PCSK6: variants seen among roughly 807,000 people sequenced by gnomAD.
The protein encoded by PCSK6 is paired basic amino acid cleaving enzyme 4.
Under a neutral mutation model 123.3 loss-of-function variants are expected in PCSK6, and 85 were observed. That is an observed-to-expected ratio of 0.69 (90% CI 0.58 to 0.83). The LOEUF (loss-of-function observed/expected upper bound fraction) is 0.83, where lower values mean the gene tolerates loss of function less well. Ranked by LOEUF, PCSK6 falls within the 40% of genes least tolerant of loss-of-function variation. The probability of loss-of-function intolerance (pLI) is 0.00; values close to 1 mark genes in which losing one functional copy is unlikely to be tolerated. For synonymous variants in PCSK6, 508 were observed against 516.0 expected (o/e 0.98, Z 0.21); for missense variants, 1,191 against 1,282.3 (o/e 0.93, Z 1.09).
At chr15:101,463,753 G>A (rs1251711127) in intron 1 of PCSK6, among the ~76,000 whole-genome samples, 3 of 152,156 alleles carry the variant, frequency 2.0e-5, no homozygotes, top group African/African-American at 4.8e-5. Context: ...ACAACGTGCC[G>A]GGGAGTTGGG....
At chr15:101,424,791 G>C (rs1449585190) in intron 6 of PCSK6, among the ~76,000 whole-genome samples, 1 of 152,232 alleles carries the variant, frequency 6.6e-6, no homozygotes, top group Non-Finnish European at 1.5e-5. Flanking sequence ...ACATTATATA[G>C]AAAGTACACT....
chr15:101,424,056 T>C (rs1242902534), intron 6 of PCSK6, among the ~76,000 whole-genome samples: 1 of 151,822 alleles, frequency 6.6e-6, no homozygotes, highest in East Asian at 1.9e-4. Context: ...TATCTCATCC[T>C]ACAAGGAAAA....
intron 1 of PCSK6, among the ~76,000 whole-genome samples, chr15:101,484,969 A>G (rs1454930411): frequency 2.6e-5 from 4 of 152,276 alleles, no homozygotes; most frequent in African/African-American, 7.2e-5. Context: ...TTCTTCCAGG[A>G]TATGTCTGGC....
intron 1 of PCSK6, among the ~76,000 whole-genome samples, chr15:101,450,272 G>T (rs2057000349): frequency 6.6e-6 from 1 of 151,914 alleles, no homozygotes; most frequent in African/African-American, 2.4e-5. Flanking sequence ...TACACGACCA[G>T]CCAGGACCCC....
At chr15:101,347,678 T>C (rs1418713663) in intron 13 of PCSK6, 1 of 1,602,408 alleles carries the variant, frequency 6.2e-7, no homozygotes. Flanking sequence ...AAGTTCTAAA[T>C]GTGGTGGCTT....
chr15:101,347,118 T>C, intron 13 of PCSK6: 1 of 1,231,792 alleles, frequency 8.1e-7, no homozygotes, highest in African/African-American at 1.5e-5. Context: ...AGTGATACTC[T>C]ATAATTGCAC....
intron 13 of PCSK6, among the ~76,000 whole-genome samples, chr15:101,353,853 G>C (rs1471989653): frequency 6.6e-6 from 1 of 152,210 alleles, no homozygotes; most frequent in Non-Finnish European, 1.5e-5. Flanking sequence ...CTTCCAGGCA[G>C]GTGAGCTCAG....
intron 15 of PCSK6, among the ~76,000 whole-genome samples, chr15:101,326,797 GGGGA>G (rs569576859): frequency 2.6e-5 from 4 of 152,326 alleles, no homozygotes; most frequent in African/African-American, 7.2e-5. Flanking sequence ...GAGGGGTAGC[GGGGA>G]GGGAGAGGCT....
intron 20 of PCSK6, chr15:101,313,011 A>C (rs1366251570): frequency 3.4e-6 from 4 of 1,172,514 alleles, no homozygotes; most frequent in Non-Finnish European, 2.1e-6. Context: ...TCTCCAAAAA[A>C]ATTTTTTTTT....
intron 20 of PCSK6, among the ~76,000 whole-genome samples, chr15:101,311,501 G>C (rs972584323): frequency 6.6e-6 from 1 of 151,962 alleles, no homozygotes; most frequent in African/African-American, 2.4e-5. Context: ...GAGTGAAGAC[G>C]CTGGGCAGAT....
At chr15:101,418,380 T>C (rs2055963354) in intron 6 of PCSK6, among the ~76,000 whole-genome samples, 1 of 152,106 alleles carries the variant, frequency 6.6e-6, no homozygotes, top group African/African-American at 2.4e-5. Context: ...ACACAGAAAC[T>C]GTGATTCTAT....
At chr15:101,458,651 G>C (rs527702548) in intron 1 of PCSK6, among the ~76,000 whole-genome samples, 1 of 152,228 alleles carries the variant, frequency 6.6e-6, no homozygotes, top group East Asian at 1.9e-4. Context: ...CGGTCCCAAA[G>C]GCTCCACATA....
At chr15:101,399,897 A>T (rs1482030862) in intron 6 of PCSK6, among the ~76,000 whole-genome samples, 1 of 152,196 alleles carries the variant, frequency 6.6e-6, no homozygotes, top group East Asian at 1.9e-4. Context: ...ATCAAGACGA[A>T]TTCTAAATCT....
intron 1 of PCSK6, among the ~76,000 whole-genome samples, chr15:101,445,585 G>A (rs774647107): frequency 3.1e-4 from 47 of 152,040 alleles, no homozygotes; most frequent in Non-Finnish European, 4.3e-4. Context: ...ACTGCCACAC[G>A]TGTCAAAAGG....
chr15:101,350,505 A>G (rs191310371), intron 13 of PCSK6, among the ~76,000 whole-genome samples: 79 of 152,318 alleles, frequency 5.2e-4, no homozygotes, highest in African/African-American at 1.8e-3. Flanking sequence ...ACTTTTTAGC[A>G]TATGGAGAAT....
At chr15:101,433,947 C>T (rs2056523812) in intron 2 of PCSK6, among the ~76,000 whole-genome samples, 1 of 152,216 alleles carries the variant, frequency 6.6e-6, no homozygotes, top group Admixed American at 6.5e-5. Flanking sequence ...GACCAGACGC[C>T]TTAGAAACAC....
intron 10 of PCSK6, 122 bp downstream of exon 10, chr15:101,384,200 T>C: frequency 6.7e-7 from 1 of 1,487,606 alleles, no homozygotes; most frequent in Non-Finnish European, 9.0e-7. Flanking sequence ...TTTAAATTCT[T>C]GTGACACACA....
At chr15:101,440,425 C>G (rs1215712185) in intron 2 of PCSK6, among the ~76,000 whole-genome samples, 1 of 151,342 alleles carries the variant, frequency 6.6e-6, no homozygotes, top group African/African-American at 2.5e-5. Flanking sequence ...CTGCTGCTGA[C>G]ACCCCCTTGA....
intron 16 of PCSK6, among the ~76,000 whole-genome samples, chr15:101,325,749 G>A (rs944163693): frequency 3.3e-5 from 5 of 152,214 alleles, no homozygotes; most frequent in Non-Finnish European, 7.3e-5. Flanking sequence ...CAGCTCCGTG[G>A]ACAGAGCCCA....
Sources: allele counts gnomAD v4.1 joint callset (sites outside exome capture counted in the v4.1 genomes callset), GRCh38; gene constraint gnomAD v4.1.1; transcripts MANE v1.5; gene names NCBI Gene and HGNC (gene_info 2026-07-23, HGNC 2026-07-21).